The following GALNT14 variants were observed in gnomAD, a reference collection of about 807,000 sequenced individuals.
The protein encoded by GALNT14 is polypeptide N-acetylgalactosaminyltransferase 14, also known as UDP-GalNAc:polypeptide N-acetylgalactosaminyltransferase 14.
A neutral mutation model predicts 77.5 loss-of-function variants in GALNT14; 60 were observed. The ratio of observed to expected loss-of-function variants is 0.77; its 90% confidence interval spans 0.63 to 0.96. The LOEUF is 0.96. Ranked by LOEUF, GALNT14 falls within the 40% of genes least tolerant of loss-of-function variation. The probability of loss-of-function intolerance (pLI) is 0.00; values close to 1 mark genes in which losing one functional copy is unlikely to be tolerated. For synonymous variants in GALNT14, 280 were observed against 281.7 expected (o/e 0.99, Z 0.06); for missense variants, 710 against 731.0 (o/e 0.97, Z 0.33).
intron 1 of GALNT14, among the ~76,000 whole-genome samples, chr2:31,020,702 T>C (rs1671662786): frequency 6.6e-6 from 1 of 152,206 alleles, no homozygotes; most frequent in African/African-American, 2.4e-5. Flanking sequence ...ACCTTCTGTC[T>C]TGCCCTGATC....
rs775487157 is a variant in GALNT14, at chr2:30,924,841, G to A, written c.1152-18C>T. 1 of 1,609,406 alleles carries A rather than the reference G, an allele frequency of 6.2e-7. No homozygotes were observed. Among genetic ancestry groups the A allele is most frequent in the South Asian group, 1.1e-5 (1 of 90,632 alleles). On this transcript the variant is annotated intron_variant, in intron 11 of 14. Transcript: ENST00000349752. Reference sequence around the variant, plus strand: ...TCTCAACACTGGGGGCAACGGGGTTGTGGACAGACACAAAGACAAAACACA... The same window carrying A: ...TCTCAACACTGGGGGCAACGGGGTTATGGACAGACACAAAGACAAAACACA...
chr2:30,895,616 C>T, the GALNT14 span, among the ~76,000 whole-genome samples: 3 of 152,052 alleles, frequency 2.0e-5, no homozygotes, highest in Admixed American at 6.5e-5. Context: ...AATGTGGGCT[C>T]CTGTACTTAG....
chr2:31,071,066 G>GA (rs1675332202), intron 1 of GALNT14, among the ~76,000 whole-genome samples: 1 of 152,186 alleles, frequency 6.6e-6, no homozygotes. Context: ...TACAAAGGCA[G>GA]AAAAATGACA....
intron 1 of GALNT14, among the ~76,000 whole-genome samples, chr2:31,028,961 A>G (rs1462377583): frequency 6.6e-6 from 1 of 152,136 alleles, no homozygotes; most frequent in East Asian, 1.9e-4. Context: ...TAGAATGAAG[A>G]ATGAGGGCTA....
At chr2:30,920,090 G>C (rs1046043880) in intron 13 of GALNT14, among the ~76,000 whole-genome samples, 1 of 152,168 alleles carries the variant, frequency 6.6e-6, no homozygotes, top group African/African-American at 2.4e-5. Flanking sequence ...TCAGGGGCAG[G>C]TGTCTTCTCA....
intron 2 of GALNT14, among the ~76,000 whole-genome samples, chr2:30,990,111 C>T (rs1669610931): frequency 6.6e-6 from 1 of 152,116 alleles, no homozygotes; most frequent in South Asian, 2.1e-4. Context: ...GGAGACATAG[C>T]TGGTTGTCAC....
intron 2 of GALNT14, among the ~76,000 whole-genome samples, chr2:30,968,484 C>T (rs1668142990): frequency 6.6e-6 from 1 of 152,200 alleles, no homozygotes. Context: ...AAGCCAGCTG[C>T]CATGCTGTGG....
chr2:31,045,161 C>G (rs1486563862), intron 1 of GALNT14, among the ~76,000 whole-genome samples: 2 of 152,096 alleles, frequency 1.3e-5, no homozygotes, highest in Admixed American at 1.3e-4. Context: ...TGAGCAGCAT[C>G]CATGATCTGG....
intron 1 of GALNT14, among the ~76,000 whole-genome samples, chr2:31,007,162 G>A (rs978539463): frequency 3.9e-5 from 6 of 152,192 alleles, no homozygotes; most frequent in African/African-American, 1.2e-4. Context: ...TGTGCCTGCT[G>A]AATATGGATA....
intron 3 of GALNT14, among the ~76,000 whole-genome samples, chr2:30,959,329 C>T (rs1274978930): frequency 6.6e-6 from 1 of 152,166 alleles, no homozygotes; most frequent in Admixed American, 6.5e-5. Context: ...GGGAAATATC[C>T]CAGGGCAAGA....
intron 1 of GALNT14, among the ~76,000 whole-genome samples, chr2:31,038,753 T>C (rs1436434325): frequency 2.6e-5 from 4 of 151,656 alleles, no homozygotes; most frequent in Non-Finnish European, 4.4e-5. Flanking sequence ...AGCAATTTTT[T>C]TTTTTTTTTT....
chr2:30,958,166 G>A (rs1211130767), intron 4 of GALNT14, among the ~76,000 whole-genome samples: 2 of 152,184 alleles, frequency 1.3e-5, no homozygotes, highest in Non-Finnish European at 2.9e-5. Context: ...ATGATAGGAA[G>A]AGGGCCTTAG....
At chr2:31,047,069 G>C (rs146688550) in intron 1 of GALNT14, among the ~76,000 whole-genome samples, 1,670 of 152,268 alleles carry the variant, frequency 0.011, 22 homozygotes, top group Non-Finnish European at 0.015. Context: ...TCACAGCATA[G>C]ATCACCTTCC....
At chr2:30,952,696 C>T (rs1471569228) in intron 6 of GALNT14, among the ~76,000 whole-genome samples, 1 of 148,964 alleles carries the variant, frequency 6.7e-6, no homozygotes, top group Non-Finnish European at 1.5e-5. Context: ...ACCAGCATGG[C>T]ACATGTATAC....
intron 1 of GALNT14, among the ~76,000 whole-genome samples, chr2:31,123,542 A>C (rs1012113691): frequency 6.6e-6 from 1 of 152,192 alleles, no homozygotes; most frequent in Admixed American, 6.5e-5. Flanking sequence ...TTTGGGGACA[A>C]GTGGATTGCG....
Position 31,079,304 on chromosome 2 carries a change from C to T in GALNT14, c.129+58654G>A, listed in dbSNP as rs527429449. Among the ~76,000 whole-genome samples, 5 of 152,224 alleles carry T rather than the reference C, an allele frequency of 3.3e-5. No homozygotes were observed. The East Asian group carries it at 7.7e-4, about 24-fold the overall frequency. On this transcript the variant is annotated intron_variant, in intron 1 of 14. Coordinates refer to ENST00000349752, the MANE Select transcript of GALNT14 (RefSeq NM_024572.4). ...GCAGATGCACCTGACAGCGTCAGGA[C>T]GTACCCTGAGAATGACCCTGTTTGG...
chr2:31,036,328 A>G (rs1426947705), intron 1 of GALNT14, among the ~76,000 whole-genome samples: 1 of 152,174 alleles, frequency 6.6e-6, no homozygotes, highest in Non-Finnish European at 1.5e-5. Flanking sequence ...ATTACAATTA[A>G]CACCTTAATT....
At chr2:31,056,801 T>C (rs529826811) in intron 1 of GALNT14, among the ~76,000 whole-genome samples, 130 of 152,318 alleles carry the variant, frequency 8.5e-4, no homozygotes, top group African/African-American at 3.0e-3. Flanking sequence ...TGCTGCAGTT[T>C]CAAGGTAGTG....
intron 2 of GALNT14, among the ~76,000 whole-genome samples, chr2:30,974,538 T>C (rs933300710): frequency 1.3e-5 from 2 of 152,258 alleles, no homozygotes; most frequent in Non-Finnish European, 2.9e-5. Flanking sequence ...CTGCTTCACC[T>C]GCTCTTTGTC....
Sources: allele counts gnomAD v4.1 joint callset (sites outside exome capture counted in the v4.1 genomes callset), GRCh38; gene constraint gnomAD v4.1.1; transcripts MANE v1.5; gene names NCBI Gene and HGNC (gene_info 2026-07-23, HGNC 2026-07-21).